The following TRAK1 variants were observed in gnomAD, a reference collection of about 807,000 sequenced individuals.
TRAK1 encodes trafficking kinesin-binding protein 1.
Under a neutral mutation model 92.1 loss-of-function variants are expected in TRAK1, and 33 were observed. The observed-to-expected ratio is 0.36, with a 90% confidence interval of 0.27 to 0.48. The LOEUF (loss-of-function observed/expected upper bound fraction) is 0.48. Among genes scored for constraint, TRAK1 ranks in the 20% least tolerant of loss-of-function variants. TRAK1 has a pLI of 0.99. For synonymous variants in TRAK1, 521 were observed against 517.3 expected, an observed-to-expected ratio of 1.01 and a Z score of -0.10; for missense variants, 1,123 against 1,257.9, an observed-to-expected ratio of 0.89 and a Z score of 1.62.
intron 1 of TRAK1, among the ~76,000 whole-genome samples, chr3:42,123,306 C>A (rs1271191668): frequency 6.6e-6 from 1 of 152,224 alleles, no homozygotes; most frequent in African/African-American, 2.4e-5. Flanking sequence ...TGTGTACAGG[C>A]CCCACAGTTA....
At chr3:42,166,190 A>G (rs1315086856) in intron 2 of TRAK1, among the ~76,000 whole-genome samples, 1 of 152,138 alleles carries the variant, frequency 6.6e-6, no homozygotes, top group Non-Finnish European at 1.5e-5. Context: ...TAGGGGTTAG[A>G]CAGATCAGGC....
At chr3:42,216,898 T>A (rs1165691398) in intron 14 of TRAK1, among the ~76,000 whole-genome samples, 1 of 152,140 alleles carries the variant, frequency 6.6e-6, no homozygotes, top group Non-Finnish European at 1.5e-5. Flanking sequence ...AAGCCTTAAA[T>A]CCAAGAAACT....
intron 6 of TRAK1, 38 bp downstream of exon 6, chr3:42,189,162 G>C (rs751905976): frequency 1.3e-6 from 2 of 1,520,486 alleles, no homozygotes; most frequent in Non-Finnish European, 1.8e-6. Flanking sequence ...TGCTAGAAGG[G>C]TGGTGGCCCC....
intron 1 of TRAK1, among the ~76,000 whole-genome samples, chr3:42,031,683 GTA>G (rs1399675372): frequency 6.6e-6 from 1 of 152,094 alleles, no homozygotes; most frequent in Non-Finnish European, 1.5e-5. Context: ...TACTTCCTCA[GTA>G]TATGTGTTGT....
rs1238254491 is a variant in TRAK1, at chr3:42,199,245, A to G, written c.1182A>G (p.Pro394=). The change falls in exon 11 of 16, where the codon CCA becomes CCG. Residue 394 remains proline (P), a synonymous_variant. Coordinates refer to ENST00000327628, the MANE Select transcript of TRAK1 (RefSeq NM_001042646.3). ...KELQLEEAES[P]DITHQKRVFE... Reference sequence around the variant, plus strand: ...TGCAGTTGGAAGAGGCCGAGTCTCCAGACATCACGTACGGCCACAGTTTTT... The same window carrying G: ...TGCAGTTGGAAGAGGCCGAGTCTCCGGACATCACGTACGGCCACAGTTTTT... 1 of 1,614,080 alleles carries G rather than the reference A, an allele frequency of 6.2e-7. No homozygotes were observed. The highest frequency in any genetic ancestry group is 1.7e-4 in the Middle Eastern group (1 of 5,972).
chr3:42,180,876 A>G (rs548075849), intron 3 of TRAK1, among the ~76,000 whole-genome samples: 9 of 152,286 alleles, frequency 5.9e-5, no homozygotes, highest in East Asian at 3.9e-4. Context: ...TATTCTAAGT[A>G]TATTTTTATA....
rs1383572847 is a variant in TRAK1, at chr3:42,223,916, G to A, written c.*179G>A. On this transcript the variant is annotated 3_prime_UTR_variant, in exon 16 of 16. Transcript: ENST00000327628. The surrounding 1 kb of genome is among the most constrained non-coding windows in gnomAD (Gnocchi z 6.1). ...GAAGTGTGGAAACTTTGTAAAATGT[G>A]TACATAGGACTTGGAGACCTTGTGT... The A allele has an allele frequency of 1.4e-6, 1 of 738,994 alleles. No individual in the cohort carries two copies. Among genetic ancestry groups the A allele is most frequent in the Non-Finnish European group, 2.2e-6 (1 of 447,624 alleles). 45.8% of individuals were successfully genotyped at this position (738,994 alleles called of 1,614,324 possible).
chr3:42,087,718 T>A (rs1462351889), upstream of TRAK1, among the ~76,000 whole-genome samples: 1 of 152,236 alleles, frequency 6.6e-6, no homozygotes, highest in African/African-American at 2.4e-5. Context: ...TCACAGGCAC[T>A]CAGTGTATTG....
intron 1 of TRAK1, among the ~76,000 whole-genome samples, chr3:42,109,478 A>G (rs1335426782): frequency 6.6e-6 from 1 of 152,228 alleles, no homozygotes; most frequent in African/African-American, 2.4e-5. Flanking sequence ...CTAGAGGAAA[A>G]TATTGCTGGA....
exon 1 of TRAK1, chr3:42,014,017 G>C (rs950478853): frequency 1.4e-5 from 2 of 146,438 alleles, no homozygotes; most frequent in African/African-American, 4.9e-5. Context: ...CGAAGCCGCC[G>C]GGCGGCCGGG....
chr3:42,130,260 G>A (rs1363205991), intron 2 of TRAK1, among the ~76,000 whole-genome samples: 2 of 151,550 alleles, frequency 1.3e-5, no homozygotes, highest in African/African-American at 4.9e-5. Flanking sequence ...ACTCTTTTTG[G>A]TCCCTTCTTC....
chr3:42,134,578 CTTTTTTTTTTTTTTTTTT>C (rs547455969), intron 2 of TRAK1, among the ~76,000 whole-genome samples: 7 of 76,434 alleles, frequency 9.2e-5, no homozygotes, highest in Admixed American at 3.3e-4. Flanking sequence ...TGCCTGGTCT[CTTTTTTTTTTTTTTTTTT>C]TTTTTTTTGA....
intron 2 of TRAK1, among the ~76,000 whole-genome samples, chr3:42,145,359 A>G (rs1300757164): frequency 6.6e-6 from 1 of 151,922 alleles, no homozygotes; most frequent in Non-Finnish European, 1.5e-5. Flanking sequence ...GGTGGCACAC[A>G]CCTTTAATCC....
chr3:42,118,125 C>T (rs1327786289), intron 1 of TRAK1, among the ~76,000 whole-genome samples: 1 of 151,938 alleles, frequency 6.6e-6, no homozygotes, highest in Non-Finnish European at 1.5e-5. Context: ...ACTCTGTCGC[C>T]CAGGCTGGAG....
At position 42,184,753 on chromosome 3, in the gene TRAK1, C is replaced by T. The variant is rs11544368; in HGVS notation, c.432C>T (p.Thr144=). The change falls in exon 4 of 16, where the codon ACC becomes ACT. Residue 144 remains threonine, a synonymous_variant. Transcript: ENST00000327628. ...TGTTGAAGAAGAACAAGACCCTAACCGAGAGGAACGAGCTGCTGGAGGAGC... is the reference window on the plus strand; with the variant it reads ...TGTTGAAGAAGAACAAGACCCTAACTGAGAGGAACGAGCTGCTGGAGGAGC... ...QSLLKKNKTL[T]ERNELLEEQV... 3,126 of 1,614,052 alleles carry T rather than the reference C, an allele frequency of 1.9e-3. 31 individuals are homozygous for T. The African/African-American group carries it at 0.022, about 12-fold the overall frequency.
At chr3:42,106,776 G>A (rs544232102) in intron 1 of TRAK1, among the ~76,000 whole-genome samples, 1 of 152,220 alleles carries the variant, frequency 6.6e-6, no homozygotes, top group East Asian at 1.9e-4. Flanking sequence ...ACTGCATATT[G>A]TCAGACTAAT....
chr3:42,223,903 C>A lies in TRAK1; in HGVS notation c.*166C>A. ...GTGCCTAATGGAGGAAGTGTGGAAA[C>A]TTTGTAAAATGTGTACATAGGACTT... is the stretch of plus-strand genomic sequence containing the variant. On this transcript the variant is annotated 3_prime_UTR_variant, in exon 16 of 16. Transcript: ENST00000327628. This position sits in a 1 kb window ranked among gnomAD's most constrained non-coding sequence, Gnocchi z 6.1. 1.2e-6 allele frequency: 1 copy of A among 813,768 alleles called. No homozygotes were observed. 50.4% of individuals were successfully genotyped at this position (813,768 alleles called of 1,614,324 possible). A position where few individuals can be genotyped will look rare whatever the true frequency, so the allele number is the denominator to read the frequency against.
At chr3:42,168,958 C>T (rs113131952) in intron 2 of TRAK1, among the ~76,000 whole-genome samples, 4 of 152,016 alleles carry the variant, frequency 2.6e-5, no homozygotes, top group East Asian at 1.9e-4. Context: ...CAAGTAGCTG[C>T]GATTAAAGGC....
intron 2 of TRAK1, chr3:42,160,225 C>T: frequency 6.8e-7 from 1 of 1,481,416 alleles, no homozygotes; most frequent in East Asian, 2.4e-5. Flanking sequence ...TGAGCCAGGG[C>T]ATGTCTGCGG....
Sources: allele counts gnomAD v4.1 joint callset (sites outside exome capture counted in the v4.1 genomes callset), GRCh38; gene constraint gnomAD v4.1.1; non-coding constraint Gnocchi (gnomAD v3.1); transcripts MANE v1.5; gene names NCBI Gene and HGNC (gene_info 2026-07-23, HGNC 2026-07-21).